Variants in VAPB observed in about 807,000 individuals in gnomAD.
VAPB encodes the protein vesicle-associated membrane protein-associated protein B/C.
VAPB carries 7 observed loss-of-function variants against 25.6 expected under a neutral mutation model. The ratio of observed to expected loss-of-function variants is 0.27; its 90% confidence interval spans 0.16 to 0.51. The LOEUF is 0.51. Ranked by LOEUF, VAPB falls within the 20% of genes least tolerant of loss-of-function variation. The pLI is 0.97. For missense variants in VAPB, 266 were observed against 301.3 expected (o/e 0.88, Z 0.87); for synonymous variants, 112 against 109.2 (o/e 1.03, Z -0.16).
chr20:58,434,531 C>G (rs1988995844), intron 2 of VAPB, 71 bp from the exon 3 acceptor site: 3 of 809,210 alleles, frequency 3.7e-6, no homozygotes, highest in Non-Finnish European at 6.6e-6. Context: ...AACCAAAGTA[C>G]AAGTATTAGC....
intron 1 of VAPB, among the ~76,000 whole-genome samples, chr20:58,404,815 C>T (rs1600779762): frequency 1.3e-5 from 2 of 152,164 alleles, no homozygotes; most frequent in South Asian, 4.2e-4. Flanking sequence ...CAAGATTGTT[C>T]TGTGTATTCT....
intron 1 of VAPB, among the ~76,000 whole-genome samples, chr20:58,399,311 AAG>A (rs1365026970): frequency 2.0e-5 from 3 of 151,784 alleles, no homozygotes; most frequent in Non-Finnish European, 4.4e-5. Context: ...AAAAAAAAAA[AAG>A]AGAGAAAAAG....
chr20:58,397,392 G>T (rs973637381), intron 1 of VAPB, among the ~76,000 whole-genome samples: 1 of 152,024 alleles, frequency 6.6e-6, no homozygotes, highest in African/African-American at 2.4e-5. Context: ...GGTAGCGCAT[G>T]CCTGTAATCC....
At chr20:58,393,443 C>T (rs1987861014) in intron 1 of VAPB, among the ~76,000 whole-genome samples, 1 of 152,170 alleles carries the variant, frequency 6.6e-6, no homozygotes, top group Non-Finnish European at 1.5e-5. Flanking sequence ...CTAATCGTTT[C>T]CTTGCCATCT....
chr20:58,418,142 C>G, intron 1 of VAPB, 69 bp from the exon 2 acceptor site: 1 of 1,597,676 alleles, frequency 6.3e-7, no homozygotes, highest in Non-Finnish European at 8.6e-7. Context: ...ATATTTACAG[C>G]TCTCTTTTCC....
chr20:58,391,041 C>T (rs1987783029), intron 1 of VAPB, among the ~76,000 whole-genome samples: 1 of 152,196 alleles, frequency 6.6e-6, no homozygotes, highest in South Asian at 2.1e-4. Context: ...TTCTCATGGC[C>T]TTCTGGGGAT....
intron 2 of VAPB, among the ~76,000 whole-genome samples, chr20:58,422,965 A>T (rs1988699572): frequency 6.6e-6 from 1 of 152,186 alleles, no homozygotes; most frequent in Admixed American, 6.5e-5. Context: ...TTGGGAATTG[A>T]AAATGGATTA....
At chr20:58,427,995 G>A (rs1443239092) in intron 2 of VAPB, among the ~76,000 whole-genome samples, 2 of 150,250 alleles carry the variant, frequency 1.3e-5, no homozygotes, top group Admixed American at 6.6e-5. Flanking sequence ...TATGATGCAG[G>A]CGAAAGTGAT....
chr20:58,440,527 G>C (rs1989136881), intron 4 of VAPB: 1 of 247,334 alleles, frequency 4.0e-6, no homozygotes, highest in South Asian at 4.7e-5. Flanking sequence ...CCCCACTAAG[G>C]CAATCCTAGG....
intron 2 of VAPB, among the ~76,000 whole-genome samples, chr20:58,419,473 G>A (rs1425399895): frequency 1.3e-5 from 2 of 152,154 alleles, no homozygotes; most frequent in African/African-American, 4.8e-5. Context: ...TGATTGAGGG[G>A]CTTCTATGTG....
rs1348023769 is a variant in VAPB at position 58,445,934 on chromosome 20, G to A, written c.*1699G>A. On this transcript the variant is annotated 3_prime_UTR_variant, in exon 6 of 6. Coordinates refer to ENST00000475243, the MANE Select transcript of VAPB (RefSeq NM_004738.5). ...TTTGAGAGGACAAGTTCATCAGAAGGAAGGCAGTCCTTAGAAGTCACATAC... is the reference window on the plus strand; with the variant it reads ...TTTGAGAGGACAAGTTCATCAGAAGAAAGGCAGTCCTTAGAAGTCACATAC... The A allele has an allele frequency of 6.6e-6, 3 of 453,930 alleles. No homozygotes were observed. Among genetic ancestry groups the A allele is most frequent in the African/African-American group, 6.0e-5 (3 of 49,984 alleles). The allele number at this position is 453,930 out of a possible 1,614,324, so 28.1% of individuals were successfully genotyped here.
chr20:58,397,013 G>T (rs1319836006), intron 1 of VAPB, among the ~76,000 whole-genome samples: 1 of 152,184 alleles, frequency 6.6e-6, no homozygotes, highest in Non-Finnish European at 1.5e-5. Context: ...GAGGGAGGCA[G>T]AGAATTTAAA....
At chr20:58,400,997 A>C (rs577779558) in intron 1 of VAPB, among the ~76,000 whole-genome samples, 1 of 152,336 alleles carries the variant, frequency 6.6e-6, no homozygotes, top group East Asian at 1.9e-4. Context: ...CACAATCAAA[A>C]CTTTTCATGT....
chr20:58,403,466 G>A (rs931226221), intron 1 of VAPB, among the ~76,000 whole-genome samples: 1 of 152,180 alleles, frequency 6.6e-6, no homozygotes, highest in African/African-American at 2.4e-5. Flanking sequence ...GGGAAGCGGT[G>A]AATCTCAGTT....
intron 1 of VAPB, among the ~76,000 whole-genome samples, chr20:58,398,106 G>C (rs746400093): frequency 7.2e-5 from 11 of 152,268 alleles, no homozygotes; most frequent in Non-Finnish European, 1.5e-4. Flanking sequence ...TCATAGCCTT[G>C]TCTACCTTAA....
chr20:58,437,831 A>G lies in VAPB; in HGVS notation c.316-1114A>G, dbSNP rs1568718683. On this transcript the variant is annotated intron_variant, in intron 3 of 5. Transcript: ENST00000475243. The stretch of plus-strand genomic sequence containing the variant: ...GCCATAATTTTTGTGGCAGTCCCCT[A>G]GGGTCAGATGTATAGATTGCTTCCC... Among the ~76,000 whole-genome samples the G allele has an allele frequency of 3.3e-5, 5 of 152,262 alleles. No homozygotes were observed. In the South Asian group the frequency reaches 8.3e-4, roughly 25 times the overall value.
chr20:58,445,777 G>A lies in VAPB; in HGVS notation c.*1542G>A. The A allele has an allele frequency of 2.2e-6, 1 of 452,926 alleles. No individual in the cohort carries two copies. The highest frequency in any genetic ancestry group is 4.4e-6 in the Non-Finnish European group (1 of 226,580). 28.1% of individuals were successfully genotyped at this position (452,926 alleles called of 1,614,324 possible). A position where few individuals can be genotyped will look rare whatever the true frequency, so the allele number is the denominator to read the frequency against. On this transcript the variant is annotated 3_prime_UTR_variant, in exon 6 of 6. Transcript: ENST00000475243. ...TATGAAAAATGAAACTGCTGAAAAA[G>A]CTGAGCACCTGGTCACCCTTGGCCT...
In VAPB at chr20:58,444,966, A is replaced by G. The variant is rs574355690; in HGVS notation, c.*731A>G. ...ATATTTAACTTATTTAATGTATTTC[A>G]TCTCATGTTTTCTTATTGTCACAAG... On this transcript the variant is annotated 3_prime_UTR_variant, in exon 6 of 6. Transcript: ENST00000475243. 8.8e-6 allele frequency: 4 copies of G among 454,554 alleles called. No individual in the cohort carries two copies. Among genetic ancestry groups the G allele is most frequent in the Non-Finnish European group, 1.3e-5 (3 of 226,802 alleles). 28.2% of individuals were successfully genotyped at this position (454,554 alleles called of 1,614,324 possible).
intron 2 of VAPB, among the ~76,000 whole-genome samples, chr20:58,427,805 G>A (rs537644911): frequency 1.8e-3 from 278 of 151,818 alleles, no homozygotes; most frequent in African/African-American, 6.5e-3. Flanking sequence ...TATGATGCAG[G>A]CGAAAGTGAT....
Sources: gnomAD v4.1 joint callset for allele counts (sites outside exome capture counted in the v4.1 genomes callset) on GRCh38, gnomAD v4.1.1 for gene constraint, MANE v1.5 for transcripts, NCBI Gene and HGNC (gene_info 2026-07-23, HGNC 2026-07-21) for gene names.